Variants in GALNT17 observed in about 807,000 individuals in gnomAD.
The protein encoded by GALNT17 is polypeptide N-acetylgalactosaminyltransferase 17.
A neutral mutation model predicts 63.7 loss-of-function variants in GALNT17; 29 were observed. The ratio of observed to expected loss-of-function variants is 0.46; its 90% confidence interval spans 0.34 to 0.62. The LOEUF (loss-of-function observed/expected upper bound fraction) is 0.62. GALNT17 is among the 20% of genes least tolerant of loss of function. The pLI is 0.01. For synonymous variants in GALNT17, 305 were observed against 318.3 expected, an observed-to-expected ratio of 0.96 and a Z score of 0.45; for missense variants, 603 against 799.6, an observed-to-expected ratio of 0.75 and a Z score of 2.97.
intron 5 of GALNT17, among the ~76,000 whole-genome samples, chr7:71,540,008 G>A (rs1788862125): frequency 6.8e-6 from 1 of 146,900 alleles, no homozygotes; most frequent in Admixed American, 6.9e-5. Context: ...TGCCGAGGCT[G>A]GTCCTAAACT....
chr7:71,522,069 A>G (rs962923791), intron 5 of GALNT17, among the ~76,000 whole-genome samples: 26 of 152,306 alleles, frequency 1.7e-4, no homozygotes, highest in African/African-American at 5.8e-4. Flanking sequence ...AACAAAACCC[A>G]GGCCCCTAAT....
At chr7:71,269,033 C>T (rs1790540060) in intron 1 of GALNT17, among the ~76,000 whole-genome samples, 1 of 152,198 alleles carries the variant, frequency 6.6e-6, no homozygotes, top group African/African-American at 2.4e-5. Flanking sequence ...AGCTGGAGAG[C>T]TTACTGCCAT....
chr7:71,668,464 C>T (rs1402359556), intron 7 of GALNT17, among the ~76,000 whole-genome samples: 1 of 134,268 alleles, frequency 7.4e-6, no homozygotes, highest in African/African-American at 2.8e-5. Flanking sequence ...TGCGGTGAGC[C>T]AAGATCGCAC....
intron 6 of GALNT17, among the ~76,000 whole-genome samples, chr7:71,575,684 G>T (rs1209240043): frequency 6.6e-6 from 1 of 152,092 alleles, no homozygotes; most frequent in African/African-American, 2.4e-5. Flanking sequence ...CACCGTGCCC[G>T]GCCATTTTTT....
intron 5 of GALNT17, among the ~76,000 whole-genome samples, chr7:71,456,667 T>C (rs1327084775): frequency 6.6e-6 from 1 of 150,384 alleles, no homozygotes; most frequent in African/African-American, 2.4e-5. Flanking sequence ...GGCTGCAGAC[T>C]CCATAAAAAA....
intron 2 of GALNT17, among the ~76,000 whole-genome samples, chr7:71,349,412 G>A (rs532287729): frequency 1.2e-4 from 18 of 152,272 alleles, no homozygotes; most frequent in African/African-American, 3.4e-4. Flanking sequence ...AAGAAATTCC[G>A]ATCACCCAAC....
chr7:71,276,896 G>T (rs1790692474), intron 1 of GALNT17, among the ~76,000 whole-genome samples: 2 of 152,134 alleles, frequency 1.3e-5, no homozygotes, highest in Non-Finnish European at 2.9e-5. Flanking sequence ...TACTTGGGAG[G>T]CTGAGGCAGG....
intron 6 of GALNT17, among the ~76,000 whole-genome samples, chr7:71,615,551 A>ACTGCAAC (rs1020261981): frequency 1.5e-5 from 2 of 134,482 alleles, no homozygotes; most frequent in East Asian, 4.3e-4. Context: ...ATCTTAGCTC[A>ACTGCAAC]CTGCAACCTC....
At chr7:71,482,081 A>ATATGTGTGTGTG (rs1554379988) in intron 5 of GALNT17, among the ~76,000 whole-genome samples, 1 of 138,186 alleles carries the variant, frequency 7.2e-6, no homozygotes, top group Non-Finnish European at 1.5e-5. Context: ...ATATATGTAT[A>ATATGTGTGTGTG]TGTGTGTGTG....
chr7:71,675,718 G>C (rs1791139666), intron 8 of GALNT17, among the ~76,000 whole-genome samples: 1 of 152,216 alleles, frequency 6.6e-6, no homozygotes, highest in South Asian at 2.1e-4. Context: ...CAGGCGCAGT[G>C]GTTCACACCT....
At chr7:71,498,594 G>A (rs1299774298) in intron 5 of GALNT17, among the ~76,000 whole-genome samples, 1 of 152,192 alleles carries the variant, frequency 6.6e-6, no homozygotes, top group African/African-American at 2.4e-5. Flanking sequence ...GATTTAAAAT[G>A]TCAGATTCAT....
intron 3 of GALNT17, among the ~76,000 whole-genome samples, chr7:71,407,064 A>G (rs1793341142): frequency 6.6e-6 from 1 of 152,218 alleles, no homozygotes; most frequent in Admixed American, 6.5e-5. Flanking sequence ...CCCTAAGCAC[A>G]GAGAACTGGA....
chr7:71,308,757 T>C (rs1432917691), intron 1 of GALNT17, among the ~76,000 whole-genome samples: 1 of 151,776 alleles, frequency 6.6e-6, no homozygotes, highest in Non-Finnish European at 1.5e-5. Context: ...TTTTTTTTTT[T>C]TTTTGAAACA....
chr7:71,175,819 T>A (rs1788627288), intron 1 of GALNT17, among the ~76,000 whole-genome samples: 1 of 152,146 alleles, frequency 6.6e-6, no homozygotes, highest in African/African-American at 2.4e-5. Flanking sequence ...GAGGAATGCT[T>A]GAGTCCAGGG....
intron 5 of GALNT17, among the ~76,000 whole-genome samples, chr7:71,451,441 T>C (rs1787261411): frequency 6.6e-6 from 1 of 152,188 alleles, no homozygotes; most frequent in Admixed American, 6.5e-5. Context: ...AGTTCTTTGC[T>C]CAGATCTAAT....
intron 1 of GALNT17, among the ~76,000 whole-genome samples, chr7:71,144,786 G>A (rs1350132767): frequency 6.6e-6 from 1 of 152,090 alleles, no homozygotes; most frequent in Non-Finnish European, 1.5e-5. Flanking sequence ...CTGGAGTGCA[G>A]TGGCACATTT....
intron 5 of GALNT17, among the ~76,000 whole-genome samples, chr7:71,565,683 C>T (rs1384021534): frequency 3.3e-5 from 5 of 152,098 alleles, no homozygotes; most frequent in Admixed American, 2.0e-4. Context: ...CATAACTTCT[C>T]TGCTCTCAGG....
rs1231273492 is a variant in GALNT17 at position 71,294,449 on chromosome 7, C to T, written c.239-41101C>T. Among the ~76,000 whole-genome samples the T allele has an allele frequency of 2.6e-5, 3 of 113,598 alleles. No homozygotes were observed. The East Asian group carries it at 8.7e-4, about 33-fold the overall frequency. 74.5% of individuals were successfully genotyped at this position (113,598 alleles called of 152,430 possible). On this transcript the variant is annotated intron_variant, in intron 1 of 10. Coordinates refer to ENST00000333538, the MANE Select transcript of GALNT17 (RefSeq NM_022479.3). ...TTTTTTTTTGAGATGGAGTCTTGCT[C>T]TGTCACCCAGGTTGGAGTGCAGTGG... is the stretch of plus-strand genomic sequence containing the variant.
At chr7:71,555,393 C>A (rs551902709) in intron 5 of GALNT17, among the ~76,000 whole-genome samples, 8 of 151,372 alleles carry the variant, frequency 5.3e-5, no homozygotes, top group African/African-American at 1.9e-4. Context: ...GGTCATTTTT[C>A]AAGATTCCCC....
Sources: allele counts gnomAD v4.1 joint callset (sites outside exome capture counted in the v4.1 genomes callset), GRCh38; gene constraint gnomAD v4.1.1; transcripts MANE v1.5; gene names NCBI Gene and HGNC (gene_info 2026-07-23, HGNC 2026-07-21).